The following AP5M1 variants were observed in gnomAD, a reference collection of about 807,000 sequenced individuals.
AP5M1 encodes adaptor related protein complex 5 subunit mu 1.
Under a neutral mutation model 52.3 loss-of-function variants are expected in AP5M1, and 44 were observed. That is an observed-to-expected ratio of 0.84 (90% CI 0.66 to 1.08). AP5M1 has a LOEUF of 1.08. Ranked by LOEUF, AP5M1 falls within the 50% of genes least tolerant of loss-of-function variation. AP5M1 has a pLI of 0.00. For missense variants in AP5M1, 526 were observed against 568.4 expected (o/e 0.93, Z 0.76); for synonymous variants, 213 against 199.0 (o/e 1.07, Z -0.59).
At chr14:57,279,181 A>G (rs1376805337) in intron 2 of AP5M1, among the ~76,000 whole-genome samples, 1 of 152,230 alleles carries the variant, frequency 6.6e-6, no homozygotes, top group Non-Finnish European at 1.5e-5. Flanking sequence ...ATTATTGGGT[A>G]TATACCCAAA....
intron 3 of AP5M1, among the ~76,000 whole-genome samples, chr14:57,281,067 A>AT (rs1566517000): frequency 6.6e-6 from 1 of 152,082 alleles, no homozygotes; most frequent in African/African-American, 2.4e-5. Context: ...TTACAAATAT[A>AT]TATTATTATT....
At position 57,269,378 on chromosome 14, in the gene AP5M1, A is replaced by G. The variant is rs759952904; in HGVS notation, c.64A>G (p.Arg22Gly). Reference protein sequence around the residue: ...EPGTPLCGTVRFSRRYPTVEK... With the variant: ...EPGTPLCGTVGFSRRYPTVEK... Reference sequence around the variant, plus strand: ...GGGAACTCCACTTTGTGGCACCGTGAGATTCTCCAGGTAAATGCAAATCTG... The same window carrying G: ...GGGAACTCCACTTTGTGGCACCGTGGGATTCTCCAGGTAAATGCAAATCTG... The change falls in exon 1 of 8, where the codon AGA (arginine) becomes GGA (glycine). Residue 22 changes from arginine (R) to glycine (G), a missense_variant. By Grantham distance (125) the Arg-to-Gly change is moderately radical (BLOSUM62 -2). This residue lies in a region of AP5M1 where 425 missense variants were observed against 430.6 expected (regional missense o/e 0.99). Coordinates refer to ENST00000261558, the MANE Select transcript of AP5M1 (RefSeq NM_018229.4). The G allele has an allele frequency of 6.2e-7, 1 of 1,614,126 alleles. No individual in the cohort carries two copies. The highest frequency in any genetic ancestry group is 1.1e-5 in the South Asian group (1 of 91,080).
chr14:57,282,952 G>A lies in AP5M1; in HGVS notation c.1107G>A (p.Leu369=). The change falls in exon 5 of 8, where the codon TTG becomes TTA. Residue 369 remains leucine, a synonymous_variant. Transcript: ENST00000261558. Reference sequence around the variant, plus strand: ...TTTAAAGAGGTCCAATTACACATTTGGAATACAAAACTAGTTTTGGCCAGC... The same window carrying A: ...TTTAAAGAGGTCCAATTACACATTTAGAATACAAAACTAGTTTTGGCCAGC... ...PFYNRGPITH[L]EYKTSFGQLE... 2 of 1,594,638 alleles carry A rather than the reference G, an allele frequency of 1.3e-6. No individual in the cohort carries two copies. The highest frequency in any genetic ancestry group is 8.6e-7 in the Non-Finnish European group (1 of 1,168,060).
chr14:57,286,548 A>T (rs1386850895), intron 7 of AP5M1: 1 of 374,060 alleles, frequency 2.7e-6, no homozygotes, highest in Non-Finnish European at 4.8e-6. Flanking sequence ...ATAGAGGGGA[A>T]CTTCAGTGTA....
intron 3 of AP5M1, 116 bp downstream of exon 3, chr14:57,280,538 C>T: frequency 1.4e-6 from 1 of 734,216 alleles, no homozygotes; most frequent in Non-Finnish European, 2.3e-6. Context: ...ATTTATCAGA[C>T]AATAATTGAT....
chr14:57,269,011 G>A lies in AP5M1; in HGVS notation c.-304G>A. 1 of 553,594 alleles carries A rather than the reference G, an allele frequency of 1.8e-6. No individual in the cohort carries two copies. Among genetic ancestry groups the A allele is most frequent in the Non-Finnish European group, 3.1e-6 (1 of 317,596 alleles). 34.3% of individuals were successfully genotyped at this position (553,594 alleles called of 1,614,324 possible). A position where few individuals can be genotyped will look rare whatever the true frequency, so the allele number is the denominator to read the frequency against. ...GTGTATGAGGAACTTTGATCCTTGC[G>A]GGCCACCATTCCGGAAGTAGAATTT... On this transcript the variant is annotated 5_prime_UTR_variant, in exon 1 of 8. Transcript: ENST00000261558.
rs769803327 is a variant in AP5M1 at position 57,282,935 on chromosome 14, G to T, written c.1090G>T (p.Gly364Cys). Residue 364 changes from glycine (G) to cysteine (C), a missense_variant and splice_region_variant, in exon 5 of 8, where the codon GGT becomes TGT. Gly to Cys is a radical substitution (Grantham distance 159). Transcript: ENST00000261558. The part of the protein sequence containing the change: ...CEAHIPFYNR[G>C]PITHLEYKTS... ...TATTTTATCCTTTTCTTTTTAAAGA[G>T]GTCCAATTACACATTTGGAATACAA... is the stretch of plus-strand genomic sequence containing the variant. The T allele has an allele frequency of 6.4e-7, 1 of 1,565,286 alleles. No homozygotes were observed.
At position 57,278,774 on chromosome 14, in the gene AP5M1, GA is replaced by G. The variant is rs201229085; in HGVS notation, c.721-1418del. Among the ~76,000 whole-genome samples, 675 of 152,270 alleles carry G rather than the reference GA, an allele frequency of 4.4e-3. 8 individuals carry two copies. Among genetic ancestry groups the G allele is most frequent in the African/African-American group, 0.015 (629 of 41,548 alleles). On this transcript the variant is annotated intron_variant, in intron 2 of 7. Transcript: ENST00000261558. Reference sequence around the variant, plus strand: ...TATAAGACAGTATGATTTATTTAGGGAAATGCAAGAATCCAATATGACTACG... The same window carrying G: ...TATAAGACAGTATGATTTATTTAGGGAATGCAAGAATCCAATATGACTACG...
At chr14:57,281,217 G>A (rs1885167118) in intron 3 of AP5M1, among the ~76,000 whole-genome samples, 3 of 152,110 alleles carry the variant, frequency 2.0e-5, no homozygotes, top group Admixed American at 1.3e-4. Context: ...GCTGAGGAGA[G>A]TCTCAAAGAA....
intron 1 of AP5M1, chr14:57,273,692 C>A (rs1884947373): frequency 1.4e-6 from 1 of 701,668 alleles, no homozygotes; most frequent in Admixed American, 2.0e-5. Flanking sequence ...CTAAAATGAT[C>A]TTCCATGTTT....
chr14:57,277,860 G>A (rs893239414), intron 2 of AP5M1, among the ~76,000 whole-genome samples: 8 of 151,916 alleles, frequency 5.3e-5, no homozygotes, highest in Non-Finnish European at 1.0e-4. Context: ...AAAATGTAAC[G>A]ATTCTTGCTT....
chr14:57,288,397 A>T (rs552833942), intron 7 of AP5M1, among the ~76,000 whole-genome samples: 6 of 152,208 alleles, frequency 3.9e-5, no homozygotes, highest in African/African-American at 9.6e-5. Context: ...GTGTTAATTT[A>T]TATCTCTGAC....
chr14:57,288,082 A>G (rs1244783743), intron 7 of AP5M1, among the ~76,000 whole-genome samples: 1 of 152,090 alleles, frequency 6.6e-6, no homozygotes, highest in African/African-American at 2.4e-5. Context: ...TTTGAAGAGA[A>G]CAAAAAAGAC....
In AP5M1 at chr14:57,294,207, T is replaced by A. The variant is rs1885501496; in HGVS notation, c.*5323T>A. On this transcript the variant is annotated 3_prime_UTR_variant, in exon 8 of 8. Coordinates refer to ENST00000261558, the MANE Select transcript of AP5M1 (RefSeq NM_018229.4). ...TGTATGATGCACAAGCATTTACAGA[T>A]GGACAAATGCTCCACACTAAAAACC... is the stretch of plus-strand genomic sequence containing the variant. 6.6e-6 allele frequency: 1 copy of A among 151,830 alleles called. No homozygotes were observed. The highest frequency in any genetic ancestry group is 2.1e-4 in the South Asian group (1 of 4,826). 9.4% of individuals were successfully genotyped at this position (151,830 alleles called of 1,614,324 possible).
chr14:57,293,525 T>C lies in AP5M1; in HGVS notation c.*4641T>C, dbSNP rs1486993419. 6.6e-6 allele frequency: 1 copy of C among 151,712 alleles called. No homozygotes were observed. The highest frequency in any genetic ancestry group is 1.5e-5 in the Non-Finnish European group (1 of 67,768). 9.4% of individuals were successfully genotyped at this position (151,712 alleles called of 1,614,324 possible). A position where few individuals can be genotyped will look rare whatever the true frequency, so the allele number is the denominator to read the frequency against. On this transcript the variant is annotated 3_prime_UTR_variant, in exon 8 of 8. Coordinates refer to ENST00000261558, the MANE Select transcript of AP5M1 (RefSeq NM_018229.4). Reference sequence around the variant, plus strand: ...TAACTAGTTTCAAAATATATTTTGATAGCAAGTTCCTAAACCACAGCAGAA... The same window carrying C: ...TAACTAGTTTCAAAATATATTTTGACAGCAAGTTCCTAAACCACAGCAGAA...
chr14:57,273,760 A>G, intron 1 of AP5M1: 1 of 701,520 alleles, frequency 1.4e-6, no homozygotes, highest in South Asian at 1.5e-5. Flanking sequence ...GTTAAGTAGA[A>G]TAGAACATTC....
At chr14:57,283,459 G>T (rs2139694251) in intron 6 of AP5M1, among the ~76,000 whole-genome samples, 1 of 152,254 alleles carries the variant, frequency 6.6e-6, no homozygotes, top group Non-Finnish European at 1.5e-5. Flanking sequence ...ATAGTGGCGG[G>T]ATGTCTGTAG....
rs1479771027 is a variant in AP5M1, at chr14:57,298,355, AAAT to A, written c.*9476_*9478del. The stretch of plus-strand genomic sequence containing the variant: ...CCATAAAGGCAAAGTGGTATAGAGA[AAAT>A]AATACAGTCTTTGAAGTCACACAGG... On this transcript the variant is annotated 3_prime_UTR_variant, in exon 8 of 8. Coordinates refer to ENST00000261558, the MANE Select transcript of AP5M1 (RefSeq NM_018229.4). 6.6e-6 allele frequency: 1 copy of A among 152,206 alleles called. No individual in the cohort carries two copies. The highest frequency in any genetic ancestry group is 1.5e-5 in the Non-Finnish European group (1 of 68,038). The allele number at this position is 152,206 out of a possible 1,614,324, so 9.4% of individuals were successfully genotyped here.
chr14:57,297,204 TTGA>T lies in AP5M1; in HGVS notation c.*8322_*8324del, dbSNP rs1174495928. ...GAAAGTAATTACTATTATATTTGAT[TTGA>T]TATTTAATTTATTATACTGAAATAC... On this transcript the variant is annotated 3_prime_UTR_variant, in exon 8 of 8. Transcript: ENST00000261558. 7.2e-5 allele frequency: 11 copies of T among 152,204 alleles called. No homozygotes were observed. The East Asian group carries it at 1.9e-3, about 27-fold the overall frequency. 9.4% of individuals were successfully genotyped at this position (152,204 alleles called of 1,614,324 possible).
Sources: allele counts gnomAD v4.1 joint callset (sites outside exome capture counted in the v4.1 genomes callset), GRCh38; gene constraint gnomAD v4.1.1; regional missense constraint gnomAD v4.1.1; transcripts MANE v1.5; gene names NCBI Gene and HGNC (gene_info 2026-07-23, HGNC 2026-07-21).